IGF1R: variants seen among roughly 807,000 people sequenced by gnomAD.
IGF1R encodes insulin like growth factor 1 receptor, also known as insulin-like growth factor 1 receptor.
In IGF1R, 44 loss-of-function variants were observed where a neutral mutation model predicts 144.6. That is an observed-to-expected ratio of 0.30 (90% CI 0.24 to 0.39). IGF1R has a LOEUF of 0.39. Ranked by LOEUF, IGF1R falls within the 10% of genes least tolerant of loss-of-function variation. IGF1R has a pLI of 1.00. For missense variants in IGF1R, 1,355 were observed against 1,833.7 expected, an observed-to-expected ratio of 0.74 and a Z score of 4.77; for synonymous variants, 795 against 722.8, an observed-to-expected ratio of 1.10 and a Z score of -1.60.
At chr15:98,912,973 C>A in intron 7 of IGF1R, 71 bp from the exon 8 acceptor site, 1 of 955,236 alleles carries the variant, frequency 1.0e-6, no homozygotes. Flanking sequence ...ACATGCTGGG[C>A]CTCTGGGGAA....
chr15:98,848,849 A>AATTC (rs1262866287), intron 2 of IGF1R, among the ~76,000 whole-genome samples: 1 of 152,226 alleles, frequency 6.6e-6, no homozygotes, highest in Non-Finnish European at 1.5e-5. Context: ...GATATTACTG[A>AATTC]AGATTCTACA....
chr15:98,876,179 C>T (rs1423613046), intron 2 of IGF1R, among the ~76,000 whole-genome samples: 1 of 152,120 alleles, frequency 6.6e-6, no homozygotes, highest in African/African-American at 2.4e-5. Context: ...CAGAAGGTTG[C>T]TGGAAGGCCA....
At chr15:98,877,671 CTTG>C (rs2013132736) in intron 2 of IGF1R, among the ~76,000 whole-genome samples, 1 of 152,014 alleles carries the variant, frequency 6.6e-6, no homozygotes, top group South Asian at 2.1e-4. Context: ...AGGAGCTGTT[CTTG>C]TTCAATTTAC....
chr15:98,920,579 T>C (rs1416644883), intron 10 of IGF1R, among the ~76,000 whole-genome samples: 1 of 152,178 alleles, frequency 6.6e-6, no homozygotes, highest in East Asian at 1.9e-4. Context: ...ACAGTAAATG[T>C]GGTTTCTTGT....
chr15:98,929,636 T>C lies in IGF1R; in HGVS notation c.2861T>C (p.Met954Thr). The C allele has an allele frequency of 6.2e-7, 1 of 1,613,874 alleles. No homozygotes were observed. The highest frequency in any genetic ancestry group is 1.3e-5 in the African/African-American group (1 of 75,060). ...VLLIVGGLVI[M>T]LYVFHRKRNN... is the part of the protein sequence containing the mutation. ...TTGATCGTGGGAGGGTTGGTGATTA[T>C]GCTGTACGTCTTCCATAGAAAGAGG... The change falls in exon 14 of 21, where the codon ATG (methionine) becomes ACG (threonine). Residue 954 changes from methionine (M) to threonine (T), a missense_variant. By Grantham distance (81) the Met-to-Thr change is moderately conservative. This residue lies in a region of IGF1R where 880 missense variants were observed against 1,202.7 expected (regional missense o/e 0.73). Transcript: ENST00000650285.
chr15:98,859,313 C>A (rs181159799), intron 2 of IGF1R, among the ~76,000 whole-genome samples: 1 of 152,150 alleles, frequency 6.6e-6, no homozygotes, highest in East Asian at 1.9e-4. Context: ...CAAATGGAAG[C>A]CTGGAAAAAT....
At chr15:98,738,493 A>G (rs1455541066) in intron 2 of IGF1R, among the ~76,000 whole-genome samples, 5 of 152,170 alleles carry the variant, frequency 3.3e-5, no homozygotes, top group African/African-American at 1.2e-4. Flanking sequence ...CTGTGAGCAC[A>G]CCAGTGCACC....
intron 1 of IGF1R, 60 bp downstream of exon 1, chr15:98,649,735 CCT>C: frequency 7.5e-7 from 1 of 1,333,986 alleles, no homozygotes; most frequent in South Asian, 1.2e-5. Context: ...GGGGCTGCGC[CCT>C]GTTTGCGAAA....
intron 10 of IGF1R, among the ~76,000 whole-genome samples, chr15:98,921,754 C>A (rs34222688): frequency 6.6e-6 from 1 of 152,128 alleles, no homozygotes; most frequent in East Asian, 1.9e-4. Context: ...CCCCTCCTGC[C>A]CTAATAAATC....
chr15:98,774,611 CTA>C (rs1462743003), intron 2 of IGF1R, among the ~76,000 whole-genome samples: 1 of 139,522 alleles, frequency 7.2e-6, no homozygotes, highest in East Asian at 2.2e-4. Flanking sequence ...GACAAATACT[CTA>C]TGTGATTTCA....
At chr15:98,825,179 G>A (rs991644595) in intron 2 of IGF1R, among the ~76,000 whole-genome samples, 1 of 152,104 alleles carries the variant, frequency 6.6e-6, no homozygotes, top group South Asian at 2.1e-4. Context: ...TAGCTTAGAA[G>A]ACCATATACA....
rs116625971 is a variant in IGF1R, at chr15:98,688,489, C to T, written c.95-19073C>T. ...ATTTCATGTGTATACCTTTGCGTAGCGTTGGCACATGTGGGAATGCTATTA... is the reference window on the plus strand; with the variant it reads ...ATTTCATGTGTATACCTTTGCGTAGTGTTGGCACATGTGGGAATGCTATTA... On this transcript the variant is annotated intron_variant, in intron 1 of 20. Coordinates refer to ENST00000650285, the MANE Select transcript of IGF1R (RefSeq NM_000875.5). Among the ~76,000 whole-genome samples, 814 of 151,242 alleles carry T rather than the reference C, an allele frequency of 5.4e-3. 6 individuals carry two copies. Among genetic ancestry groups the T allele is most frequent in the African/African-American group, 0.019 (779 of 41,196 alleles).
chr15:98,703,752 C>T (rs1010685997), intron 1 of IGF1R, among the ~76,000 whole-genome samples: 1 of 152,218 alleles, frequency 6.6e-6, no homozygotes, highest in Non-Finnish European at 1.5e-5. Flanking sequence ...CAAAGTGAAG[C>T]AGATTCTTTC....
chr15:98,723,868 T>C (rs537260587), intron 2 of IGF1R, among the ~76,000 whole-genome samples: 4 of 152,324 alleles, frequency 2.6e-5, no homozygotes, highest in African/African-American at 9.6e-5. Flanking sequence ...GTTTATTAAG[T>C]GGGGCAGTAG....
Position 98,913,281 on chromosome 15 carries a change from A to C in IGF1R, c.1827A>C (p.Ser609=). 6.2e-7 allele frequency: 1 copy of C among 1,610,970 alleles called. No individual in the cohort carries two copies. Among genetic ancestry groups the C allele is most frequent in the South Asian group, 1.1e-5 (1 of 91,034 alleles). The change falls in exon 8 of 21, where the codon TCA becomes TCC. Residue 609 remains serine, a splice_region_variant and synonymous_variant. Transcript: ENST00000650285. ...TCTTGTACATTCGCACCAATGCTTC[A>C]GGTATCCATGCCTAGACAAGCCCCC... The part of the protein sequence containing the change: ...SEILYIRTNA[S]VPSIPLDVLS...
chr15:98,662,956 G>A (rs1016785149), intron 1 of IGF1R, among the ~76,000 whole-genome samples: 2 of 152,116 alleles, frequency 1.3e-5, no homozygotes, highest in Admixed American at 6.5e-5. Flanking sequence ...CAGTGGACCC[G>A]CTGAGAAGGG....
At chr15:98,818,535 T>G (rs530472271) in intron 2 of IGF1R, among the ~76,000 whole-genome samples, 9 of 148,332 alleles carry the variant, frequency 6.1e-5, no homozygotes, top group Non-Finnish European at 1.2e-4. Flanking sequence ...TTCTCAGCAT[T>G]GGCAGTATTG....
Position 98,708,111 on chromosome 15 carries a change from A to G in IGF1R, c.640+4A>G. 1 of 1,611,382 alleles carries G rather than the reference A, an allele frequency of 6.2e-7. No homozygotes were observed. The highest frequency in any genetic ancestry group is 2.2e-5 in the East Asian group (1 of 44,872). On this transcript the variant is annotated splice_donor_region_variant and intron_variant, in intron 2 of 20. Transcript: ENST00000650285. ...ACCACAAACCGCTGCCAGAAAAGTAAGAATGATGCTGACTGCTGCTTTCTC... is the reference window on the plus strand; with the variant it reads ...ACCACAAACCGCTGCCAGAAAAGTAGGAATGATGCTGACTGCTGCTTTCTC...
intron 2 of IGF1R, among the ~76,000 whole-genome samples, chr15:98,774,172 C>T (rs2055656582): frequency 1.3e-5 from 2 of 152,136 alleles, no homozygotes; most frequent in African/African-American, 4.8e-5. Context: ...ATGAGCCTTT[C>T]CTGAATCCCT....
Sources: gnomAD v4.1 joint callset for allele counts (sites outside exome capture counted in the v4.1 genomes callset) on GRCh38, gnomAD v4.1.1 for gene constraint, gnomAD v4.1.1 regional missense constraint, MANE v1.5 for transcripts, NCBI Gene and HGNC (gene_info 2026-07-23, HGNC 2026-07-21) for gene names.